ENOX1: variants seen among roughly 807,000 people sequenced by gnomAD.
ENOX1 encodes the protein ecto-NOX disulfide-thiol exchanger 1.
Under a neutral mutation model 82.5 loss-of-function variants are expected in ENOX1, and 42 were observed. The observed-to-expected ratio is 0.51, with a 90% CI of 0.40 to 0.66. The LOEUF (loss-of-function observed/expected upper bound fraction) is 0.66. Among genes scored for constraint, ENOX1 ranks in the 30% least tolerant of loss-of-function variants. The probability of loss-of-function intolerance (pLI) is 0.00; values close to 1 mark genes in which losing one functional copy is unlikely to be tolerated. For synonymous variants in ENOX1, 271 were observed against 282.2 expected (o/e 0.96, Z 0.40); for missense variants, 608 against 811.6 (o/e 0.75, Z 3.05).
intron 5 of ENOX1, among the ~76,000 whole-genome samples, chr13:43,388,099 C>T (rs182040082): frequency 2.6e-4 from 39 of 152,188 alleles, no homozygotes; most frequent in Middle Eastern, 6.8e-3. Context: ...AAAATGCTAA[C>T]GTTAGAGACA....
At chr13:43,328,926 T>C (rs1271525953) in intron 9 of ENOX1, among the ~76,000 whole-genome samples, 2 of 152,200 alleles carry the variant, frequency 1.3e-5, no homozygotes, top group African/African-American at 4.8e-5. Context: ...TTTGATGCAA[T>C]CATAGTCTCG....
At chr13:43,393,672 C>T (rs913457731) in intron 5 of ENOX1, among the ~76,000 whole-genome samples, 2 of 151,996 alleles carry the variant, frequency 1.3e-5, no homozygotes, top group African/African-American at 4.8e-5. Context: ...TCTTCTAGCA[C>T]AAAGAAAGTT....
intron 3 of ENOX1, among the ~76,000 whole-genome samples, chr13:43,480,866 C>T (rs1288316788): frequency 1.3e-5 from 2 of 152,042 alleles, no homozygotes; most frequent in African/African-American, 4.8e-5. Flanking sequence ...AGCAATCTTC[C>T]AACAAAGAAA....
intron 1 of ENOX1, among the ~76,000 whole-genome samples, chr13:43,669,671 C>A (rs2085160534): frequency 6.6e-6 from 1 of 152,082 alleles, no homozygotes; most frequent in African/African-American, 2.4e-5. Context: ...TTCCTGGAAT[C>A]AAATCCCTGT....
At chr13:43,501,175 A>G (rs2076968426) in intron 2 of ENOX1, among the ~76,000 whole-genome samples, 1 of 151,858 alleles carries the variant, frequency 6.6e-6, no homozygotes, top group African/African-American at 2.4e-5. Flanking sequence ...TGAAAAAAAA[A>G]TACTCAAAGC....
At chr13:43,271,805 G>C (rs1010110589) in intron 12 of ENOX1, among the ~76,000 whole-genome samples, 1 of 151,902 alleles carries the variant, frequency 6.6e-6, no homozygotes, top group Admixed American at 6.6e-5. Flanking sequence ...CCTCTCATCA[G>C]TGCTTCCTTT....
intron 12 of ENOX1, among the ~76,000 whole-genome samples, chr13:43,277,291 T>C (rs1208311467): frequency 1.3e-5 from 2 of 152,228 alleles, no homozygotes; most frequent in African/African-American, 4.8e-5. Context: ...CATGATGAGA[T>C]CAGGCTTCAT....
chr13:43,248,042 C>A (rs1472087511), intron 14 of ENOX1, among the ~76,000 whole-genome samples: 15 of 148,870 alleles, frequency 1.0e-4, no homozygotes, highest in Non-Finnish European at 4.5e-5. Context: ...CCCGCCACTA[C>A]GCCTGTCTAA....
At chr13:43,728,250 A>C (rs2089112129) in intron 1 of ENOX1, among the ~76,000 whole-genome samples, 1 of 152,238 alleles carries the variant, frequency 6.6e-6, no homozygotes, top group South Asian at 2.1e-4. Context: ...CTTGGAGTAA[A>C]AGAAAAAGTG....
At chr13:43,708,567 G>A (rs549470226) in intron 1 of ENOX1, among the ~76,000 whole-genome samples, 7 of 152,260 alleles carry the variant, frequency 4.6e-5, no homozygotes, top group African/African-American at 1.7e-4. Flanking sequence ...CAAGAATTAA[G>A]GTGGCTGCAG....
rs76014841 is a variant in ENOX1 at position 43,741,380 on chromosome 13, C to T, written c.-285+45272G>A. The stretch of plus-strand genomic sequence containing the variant: ...TTACAGGTGTGAGTCACTGCGCCCG[C>T]CTGAACCTTTTTATATTCTACCAGC... On this transcript the variant is annotated intron_variant, in intron 1 of 16. Coordinates refer to ENST00000690772, the MANE Select transcript of ENOX1 (RefSeq NM_001347969.2). 6.4e-3 allele frequency among the ~76,000 whole-genome samples: 975 copies of T among 152,196 alleles called. 9 individuals are homozygous for T. Among genetic ancestry groups the T allele is most frequent in the African/African-American group, 0.022 (927 of 41,532 alleles).
At chr13:43,521,577 T>C (rs2077770069) in intron 2 of ENOX1, among the ~76,000 whole-genome samples, 1 of 152,186 alleles carries the variant, frequency 6.6e-6, no homozygotes, top group African/African-American at 2.4e-5. Context: ...ATTTTGTTAC[T>C]GAGCCCTATA....
chr13:43,320,270 TTG>T (rs1286532141), intron 11 of ENOX1, among the ~76,000 whole-genome samples: 1 of 152,244 alleles, frequency 6.6e-6, no homozygotes, highest in East Asian at 1.9e-4. Flanking sequence ...CGAAAAGACT[TTG>T]AACTGCTCGG....
intron 4 of ENOX1, 54 bp downstream of exon 4, chr13:43,412,791 A>T (rs1031379106): frequency 1.2e-6 from 2 of 1,606,624 alleles, no homozygotes; most frequent in East Asian, 2.2e-5. Flanking sequence ...AAGCTTTTCC[A>T]CTAAGAACTC....
chr13:43,614,192 C>T (rs370602831), intron 2 of ENOX1, among the ~76,000 whole-genome samples: 1 of 152,174 alleles, frequency 6.6e-6, no homozygotes, highest in Non-Finnish European at 1.5e-5. Context: ...AGCTTGACAG[C>T]ATACAGAGCA....
At chr13:43,492,995 A>G (rs2076672267) in intron 2 of ENOX1, among the ~76,000 whole-genome samples, 1 of 152,178 alleles carries the variant, frequency 6.6e-6, no homozygotes, top group South Asian at 2.1e-4. Context: ...TCCCCCAAGA[A>G]AGGGAATTCT....
intron 2 of ENOX1, among the ~76,000 whole-genome samples, chr13:43,566,762 G>A (rs1196198544): frequency 6.6e-6 from 1 of 151,968 alleles, no homozygotes; most frequent in Non-Finnish European, 1.5e-5. Context: ...AGAAGGTATA[G>A]ATCTTCGAAA....
At position 43,404,341 on chromosome 13, in the gene ENOX1, T is replaced by G. The variant is rs149052829; in HGVS notation, c.208+7575A>C. Among the ~76,000 whole-genome samples, 664 of 152,286 alleles carry G rather than the reference T, an allele frequency of 4.4e-3. 3 individuals are homozygous for G. Among genetic ancestry groups the G allele is most frequent in the Non-Finnish European group, 5.4e-3 (365 of 68,014 alleles). ...TCCCAACCACCACCTCTGGCCCACA[T>G]ACACCCACTTTTCTCTTCTTTGAAG... On this transcript the variant is annotated intron_variant, in intron 5 of 16. Coordinates refer to ENST00000690772, the MANE Select transcript of ENOX1 (RefSeq NM_001347969.2).
At chr13:43,304,746 C>T (rs1165040161) in intron 11 of ENOX1, among the ~76,000 whole-genome samples, 1 of 152,126 alleles carries the variant, frequency 6.6e-6, no homozygotes, top group Non-Finnish European at 1.5e-5. Flanking sequence ...CCCTGTGTCC[C>T]TCTCCTCTCA....
Sources: allele counts gnomAD v4.1 joint callset (sites outside exome capture counted in the v4.1 genomes callset), GRCh38; gene constraint gnomAD v4.1.1; transcripts MANE v1.5; gene names NCBI Gene and HGNC (gene_info 2026-07-23, HGNC 2026-07-21).